CSMD2: variants seen among roughly 807,000 people sequenced by gnomAD.
CSMD2 encodes CUB and sushi domain-containing protein 2.
CSMD2 carries 130 observed loss-of-function variants against 398.5 expected under a neutral mutation model. The ratio of observed to expected loss-of-function variants is 0.33; its 90% CI spans 0.28 to 0.38. CSMD2 has a LOEUF of 0.38. Ranked by LOEUF, CSMD2 falls within the 10% of genes least tolerant of loss-of-function variation. The pLI is 1.00. For synonymous variants in CSMD2, 1,828 were observed against 1,908.5 expected (o/e 0.96, Z 1.10); for missense variants, 3,829 against 4,764.9 (o/e 0.80, Z 5.78).
intron 1 of CSMD2, among the ~76,000 whole-genome samples, chr1:34,157,917 A>ACTAT (rs1294811106): frequency 2.0e-5 from 3 of 152,096 alleles, no homozygotes; most frequent in Non-Finnish European, 4.4e-5. Context: ...GTGGGTCATG[A>ACTAT]CTATCTTTCA....
chr1:33,958,044 T>C (rs972683044), intron 3 of CSMD2, among the ~76,000 whole-genome samples: 1 of 152,100 alleles, frequency 6.6e-6, no homozygotes, highest in Non-Finnish European at 1.5e-5. Flanking sequence ...CTTTGAGGGA[T>C]GCTTCATGCA....
chr1:33,781,020 G>A (rs1047164236), intron 12 of CSMD2, among the ~76,000 whole-genome samples: 7 of 152,182 alleles, frequency 4.6e-5, no homozygotes, highest in African/African-American at 9.7e-5. Context: ...GGCTGCCCTT[G>A]GCCTCCTTTG....
chr1:33,995,391 A>G (rs1458734080), intron 3 of CSMD2, among the ~76,000 whole-genome samples: 2 of 152,226 alleles, frequency 1.3e-5, no homozygotes, highest in Admixed American at 1.3e-4. Context: ...TGCCAAGTAG[A>G]TGATTCAACA....
chr1:33,990,512 A>G (rs1047253274), intron 3 of CSMD2, among the ~76,000 whole-genome samples: 1 of 152,098 alleles, frequency 6.6e-6, no homozygotes, highest in Non-Finnish European at 1.5e-5. Context: ...CTGCACGTGG[A>G]AAGCCCGGTT....
intron 2 of CSMD2, among the ~76,000 whole-genome samples, chr1:34,052,029 G>T (rs1455266288): frequency 2.0e-5 from 3 of 152,002 alleles, no homozygotes; most frequent in Admixed American, 6.6e-5. Flanking sequence ...TCAACCGGGG[G>T]TATTGGTCTT....
intron 17 of CSMD2, 31 bp downstream of exon 17, chr1:33,725,318 C>A: frequency 6.2e-7 from 1 of 1,604,332 alleles, no homozygotes; most frequent in South Asian, 1.1e-5. Context: ...CTGACCTTGT[C>A]ATCCCTTTTC....
chr1:33,636,268 C>A lies in CSMD2; in HGVS notation c.4969+92G>T. 7.6e-7 allele frequency: 1 copy of A among 1,310,854 alleles called. No individual in the cohort carries two copies. The highest frequency in any genetic ancestry group is 2.5e-5 in the East Asian group (1 of 39,458). 81.2% of individuals were successfully genotyped at this position (1,310,854 alleles called of 1,614,324 possible). ...GCTTGGAGGAGCCGGGCTTGAGGACCTTGCCCCCCTCCCTTCCCCAGCCCA... is the reference window on the plus strand; with the variant it reads ...GCTTGGAGGAGCCGGGCTTGAGGACATTGCCCCCCTCCCTTCCCCAGCCCA... On this transcript the variant is annotated intron_variant, in intron 30 of 70. Transcript: ENST00000373381. The surrounding 1 kb of genome is among the most constrained non-coding windows in gnomAD (Gnocchi z 4.8).
intron 19 of CSMD2, among the ~76,000 whole-genome samples, chr1:33,719,620 T>C (rs898361477): frequency 6.6e-6 from 1 of 152,020 alleles, no homozygotes; most frequent in Admixed American, 6.5e-5. Flanking sequence ...CAATACCACA[T>C]AGGAGCAGAA....
chr1:33,742,580 C>CGCCG lies in CSMD2; in HGVS notation c.2173+699_2173+700insCGGC, dbSNP rs60545889. On this transcript the variant is annotated intron_variant, in intron 14 of 70. Transcript: ENST00000373381. ...TATTTCTAGTCACCAAGCTTCTGCC[C>CGCCG]CCCCCCCCCCAACCCCCTCTGTAAC... Among the ~76,000 whole-genome samples, 12 of 111,134 alleles carry CGCCG rather than the reference C, an allele frequency of 1.1e-4. 1 individual carries two copies. The highest frequency in any genetic ancestry group is 4.4e-4 in the African/African-American group (12 of 27,522). 72.9% of individuals were successfully genotyped at this position (111,134 alleles called of 152,430 possible).
intron 5 of CSMD2, among the ~76,000 whole-genome samples, chr1:33,874,755 G>A (rs1393140787): frequency 6.6e-6 from 1 of 152,176 alleles, no homozygotes; most frequent in Non-Finnish European, 1.5e-5. Flanking sequence ...GACAGAATCA[G>A]CATTTTCCTC....
Position 33,572,553 on chromosome 1 carries a change from A to G in CSMD2, c.7715T>C (p.Leu2572Pro), listed in dbSNP as rs778521321. 1 of 1,613,986 alleles carries G rather than the reference A, an allele frequency of 6.2e-7. No homozygotes were observed. The highest frequency in any genetic ancestry group is 1.7e-5 in the Admixed American group (1 of 60,012). Residue 2572 changes from leucine (L) to proline (P), a missense_variant, in exon 50 of 71, where the codon CTG becomes CCG. Physicochemically the swap from Leu to Pro is moderately conservative, Grantham distance 98. Transcript: ENST00000373381. Reference sequence around the variant, plus strand: ...GCGGTTGCTCCATAGGCCTGTGTCCAGACACTCTGCAGTGGCCTCAGCGCC... The same window carrying G: ...GCGGTTGCTCCATAGGCCTGTGTCCGGACACTCTGCAGTGGCCTCAGCGCC... ...QAGAEATAEC[L>P]DTGLWSNRNV...
At chr1:33,699,057 G>A in intron 23 of CSMD2, 113 bp from the exon 24 acceptor site, 3 of 781,160 alleles carry the variant, frequency 3.8e-6, no homozygotes, top group Non-Finnish European at 6.0e-6. Flanking sequence ...CACGGACCCT[G>A]GGTTCTGATG....
In CSMD2 at chr1:33,557,748, C is replaced by G. The variant is rs765912423; in HGVS notation, c.8729G>C (p.Arg2910Pro). Reference protein sequence around the residue: ...CQGDGTWDRPRPQCLLVSCGH... With the variant: ...CQGDGTWDRPPPQCLLVSCGH... ...CATCTACTTACAGAGACACTGGGGG[C>G]GGGGACGGTCCCATGTGCCATCTCC... The change falls in exon 55 of 71, where the codon CGC (arginine) becomes CCC (proline). Residue 2910 changes from arginine (R) to proline (P), a missense_variant. Physicochemically the swap from Arg to Pro is moderately radical, Grantham distance 103 (BLOSUM62 -2). Around this residue, in one of 5 missense-constraint regions of CSMD2, gnomAD observed 917 missense variants for 1,199.5 expected, o/e 0.76. Coordinates refer to ENST00000373381, the MANE Select transcript of CSMD2 (RefSeq NM_001281956.2). 6.5e-7 allele frequency: 1 copy of G among 1,535,840 alleles called. No individual in the cohort carries two copies. The highest frequency in any genetic ancestry group is 1.4e-5 in the African/African-American group (1 of 73,102).
intron 13 of CSMD2, among the ~76,000 whole-genome samples, chr1:33,765,191 T>C (rs1420137831): frequency 6.6e-6 from 1 of 152,018 alleles, no homozygotes; most frequent in East Asian, 1.9e-4. Context: ...CAATAGGATG[T>C]TTTTTTTACT....
At chr1:33,887,469 C>A (rs1349312286) in intron 5 of CSMD2, among the ~76,000 whole-genome samples, 1 of 152,140 alleles carries the variant, frequency 6.6e-6, no homozygotes, top group Non-Finnish European at 1.5e-5. Flanking sequence ...CCTCATCAAG[C>A]GATGGTGTTA....
At chr1:33,579,165 A>G (rs980831424) in intron 48 of CSMD2, among the ~76,000 whole-genome samples, 2 of 152,224 alleles carry the variant, frequency 1.3e-5, no homozygotes, top group African/African-American at 4.8e-5. Flanking sequence ...TAACTCCTTA[A>G]TAACGTTCAG....
intron 6 of CSMD2, among the ~76,000 whole-genome samples, chr1:33,829,788 T>C (rs1254624953): frequency 6.6e-6 from 1 of 152,006 alleles, no homozygotes; most frequent in Non-Finnish European, 1.5e-5. Context: ...ACGTGGAAAA[T>C]CGGGTCACTC....
chr1:33,656,216 C>G (rs1294533910), intron 27 of CSMD2, among the ~76,000 whole-genome samples: 1 of 152,082 alleles, frequency 6.6e-6, no homozygotes, highest in Non-Finnish European at 1.5e-5. Flanking sequence ...TTAGGCGTGT[C>G]CTCACCCCAC....
intron 1 of CSMD2, among the ~76,000 whole-genome samples, chr1:34,156,244 CA>C (rs1271005534): frequency 1.6e-4 from 24 of 152,226 alleles, no homozygotes; most frequent in African/African-American, 5.8e-4. Flanking sequence ...GAACTCTCTC[CA>C]TTCCTGAAAT....
Sources: gnomAD v4.1 joint callset for allele counts (sites outside exome capture counted in the v4.1 genomes callset) on GRCh38, gnomAD v4.1.1 for gene constraint, gnomAD v4.1.1 regional missense constraint, Gnocchi (gnomAD v3.1) non-coding constraint, MANE v1.5 for transcripts, NCBI Gene and HGNC (gene_info 2026-07-23, HGNC 2026-07-21) for gene names.